PCDH11X: variants seen among roughly 807,000 people sequenced by gnomAD.
PCDH11X encodes protocadherin-11 X-linked.
PCDH11X carries 18 observed loss-of-function variants against 53.3 expected under a neutral mutation model. The observed-to-expected ratio is 0.34, with a 90% CI of 0.23 to 0.50. The LOEUF (loss-of-function observed/expected upper bound fraction) is 0.50. Ranked by LOEUF, PCDH11X falls within the 20% of genes least tolerant of loss-of-function variation. PCDH11X has a pLI of 0.98. For missense variants in PCDH11X, 570 were observed against 1,032.4 expected (o/e 0.55, Z 6.14); for synonymous variants, 279 against 393.3 (o/e 0.71, Z 3.44).
intron 6 of PCDH11X, among the ~76,000 whole-genome samples, chrX:92,062,212 T>C (rs1357680773): frequency 2.7e-5 from 3 of 111,525 alleles, no homozygotes; most frequent in Non-Finnish European, 5.7e-5. Context: ...TCTAGGAGCT[T>C]TGAGGCAAAG....
chrX:92,557,797 G>C (rs1162269182), intron 10 of PCDH11X, among the ~76,000 whole-genome samples: 2 of 110,248 alleles, frequency 1.8e-5, no homozygotes, highest in Non-Finnish European at 3.8e-5. Context: ...CAAATTTACT[G>C]TATTAGTTTA....
chrX:91,851,182 T>C (rs1038452939), intron 5 of PCDH11X, among the ~76,000 whole-genome samples: 1 of 111,625 alleles, frequency 9.0e-6, no homozygotes, highest in African/African-American at 3.3e-5. Flanking sequence ...TAAACATGTT[T>C]ACTGACTGTA....
rs1285347405 is a variant in PCDH11X at position 92,147,811 on chromosome X, C to CTTTCTTTCTTTCTT, written c.3034-53562_3034-53549dup. ...TTCTTTTCCTTTCTTTTCTTCCTTC[C>CTTTCTTTCTTTCTT]TTTCTTTCTTTCTTTCTTTCTTTCT... On this transcript the variant is annotated intron_variant, in intron 6 of 10. Transcript: ENST00000682573. 2.5e-3 allele frequency among the ~76,000 whole-genome samples: 92 copies of CTTTCTTTCTTTCTT among 36,313 alleles called. 3 individuals are homozygous for CTTTCTTTCTTTCTT. The highest frequency in any genetic ancestry group is 0.012 in the African/African-American group (90 of 7,598). 31.5% of individuals were successfully genotyped at this position (36,313 alleles called of 115,157 possible).
intron 10 of PCDH11X, among the ~76,000 whole-genome samples, chrX:92,548,190 T>C (rs769514451): frequency 9.1e-6 from 1 of 109,975 alleles, no homozygotes; most frequent in South Asian, 4.0e-4. Flanking sequence ...TTTGTTTGTT[T>C]TGAGACATGC....
intron 6 of PCDH11X, among the ~76,000 whole-genome samples, chrX:91,935,832 C>T (rs1349566926): frequency 3.7e-5 from 4 of 107,117 alleles, no homozygotes; most frequent in African/African-American, 6.8e-5. Flanking sequence ...GGCTTCCAGG[C>T]CATAGGTAGA....
At chrX:92,142,886 C>T (rs1316975228) in intron 6 of PCDH11X, among the ~76,000 whole-genome samples, 5 of 101,123 alleles carry the variant, frequency 4.9e-5, no homozygotes, top group African/African-American at 1.1e-4. Context: ...CATACATACA[C>T]GTTGATATAT....
At chrX:92,261,362 T>C (rs750130756) in intron 7 of PCDH11X, among the ~76,000 whole-genome samples, 1 of 111,882 alleles carries the variant, frequency 8.9e-6, no homozygotes, top group South Asian at 3.7e-4. Flanking sequence ...AAATATACAA[T>C]TTAGGGAAAT....
intron 6 of PCDH11X, among the ~76,000 whole-genome samples, chrX:92,008,724 T>A (rs2062642248): frequency 9.1e-6 from 1 of 110,002 alleles, no homozygotes; most frequent in East Asian, 2.9e-4. Context: ...TCTTGCCCTG[T>A]CTCCCTTGTA....
At chrX:92,317,083 G>C (rs1478793793) in intron 8 of PCDH11X, among the ~76,000 whole-genome samples, 9 of 111,473 alleles carry the variant, frequency 8.1e-5, no homozygotes, top group African/African-American at 2.6e-4. Context: ...TTAAACTTTG[G>C]AGTTAGAGAG....
At chrX:92,479,427 C>T (rs960940129) in intron 10 of PCDH11X, among the ~76,000 whole-genome samples, 15 of 107,626 alleles carry the variant, frequency 1.4e-4, no homozygotes, top group Admixed American at 1.3e-3. Context: ...ATTCTGCAGA[C>T]TTGTCTGTGT....
intron 10 of PCDH11X, among the ~76,000 whole-genome samples, chrX:92,508,244 A>C (rs1239294165): frequency 9.2e-6 from 1 of 108,629 alleles, no homozygotes; most frequent in East Asian, 2.9e-4. Flanking sequence ...TGTTTTTGAG[A>C]CAGAATTTTG....
chrX:92,557,881 T>C (rs2075070166), intron 10 of PCDH11X, among the ~76,000 whole-genome samples: 1 of 108,702 alleles, frequency 9.2e-6, no homozygotes, highest in Non-Finnish European at 1.9e-5. Context: ...TGACTCACAG[T>C]TCTGCATTGC....
chrX:92,449,419 A>G (rs2072731955), intron 9 of PCDH11X, among the ~76,000 whole-genome samples: 1 of 111,884 alleles, frequency 8.9e-6, no homozygotes, highest in Non-Finnish European at 1.9e-5. Flanking sequence ...AAGAAACATC[A>G]AGCAACAGAA....
intron 6 of PCDH11X, among the ~76,000 whole-genome samples, chrX:91,881,705 T>C (rs1433427680): frequency 9.0e-6 from 1 of 111,537 alleles, no homozygotes; most frequent in African/African-American, 3.2e-5. Flanking sequence ...AGAAATTATG[T>C]ATTTAAAAAT....
chrX:92,284,710 AG>A (rs1275542247), intron 8 of PCDH11X, among the ~76,000 whole-genome samples: 1 of 107,494 alleles, frequency 9.3e-6, no homozygotes, highest in Non-Finnish European at 2.0e-5. Flanking sequence ...TACAAATCAC[AG>A]TTTATTTTTA....
chrX:91,809,629 C>G lies in PCDH11X; in HGVS notation c.-215C>G, dbSNP rs1264001574. On this transcript the variant is annotated 5_prime_UTR_variant, in exon 2 of 11. Transcript: ENST00000682573. ...TGCTGTTGAATATGGTAGCTACTAGCTACATGTGAGTATTTAAATTTTAAT... is the reference window on the plus strand; with the variant it reads ...TGCTGTTGAATATGGTAGCTACTAGGTACATGTGAGTATTTAAATTTTAAT... Among the ~76,000 whole-genome samples the G allele has an allele frequency of 5.7e-5, 6 of 104,670 alleles. No individual in the cohort carries two copies. Among genetic ancestry groups the G allele is most frequent in the Non-Finnish European group, 9.8e-5 (5 of 50,966 alleles). The allele number at this position is 104,670 out of a possible 115,157, so 90.9% of individuals were successfully genotyped here.
chrX:91,803,493 C>G (rs1036498101), intron 1 of PCDH11X, among the ~76,000 whole-genome samples: 5 of 111,203 alleles, frequency 4.5e-5, no homozygotes, highest in African/African-American at 1.6e-4. Flanking sequence ...GAAAAATAAA[C>G]ATATTTTGTA....
At chrX:92,378,500 CATATAA>C (rs1184739914) in intron 8 of PCDH11X, among the ~76,000 whole-genome samples, 1 of 110,366 alleles carries the variant, frequency 9.1e-6, no homozygotes, top group Non-Finnish European at 1.9e-5. Context: ...CTCATACACA[CATATAA>C]ATATATATGT....
chrX:92,513,712 T>C (rs2074206073), intron 10 of PCDH11X, among the ~76,000 whole-genome samples: 1 of 111,812 alleles, frequency 8.9e-6, no homozygotes, highest in South Asian at 3.7e-4. Flanking sequence ...GTTCTTCACA[T>C]TGACTTCTTC....
Sources: gnomAD v4.1 joint callset for allele counts (sites outside exome capture counted in the v4.1 genomes callset) on GRCh38, gnomAD v4.1.1 for gene constraint, MANE v1.5 for transcripts, NCBI Gene and HGNC (gene_info 2026-07-23, HGNC 2026-07-21) for gene names.